SKA3: variants seen among roughly 807,000 people sequenced by gnomAD.
The protein encoded by SKA3 is spindle and kinetochore associated complex subunit 3.
SKA3 carries 39 observed loss-of-function variants against 44.2 expected under a neutral mutation model. That is an observed-to-expected ratio of 0.88 (90% CI 0.68 to 1.15). SKA3 has a LOEUF of 1.15. SKA3 is among the 50% of genes most tolerant of loss of function. The pLI is 0.00. For synonymous variants in SKA3, 192 were observed against 172.0 expected, an observed-to-expected ratio of 1.12 and a Z score of -0.91; for missense variants, 511 against 485.8, an observed-to-expected ratio of 1.05 and a Z score of -0.49.
chr13:21,169,704 C>T (rs1298437410), intron 3 of SKA3, among the ~76,000 whole-genome samples: 1 of 152,124 alleles, frequency 6.6e-6, no homozygotes, highest in Non-Finnish European at 1.5e-5. Context: ...GAGACACTAG[C>T]CCCAGCTAGT....
At chr13:21,159,061 C>T (rs1870293033) in intron 6 of SKA3, among the ~76,000 whole-genome samples, 1 of 152,164 alleles carries the variant, frequency 6.6e-6, no homozygotes, top group African/African-American at 2.4e-5. Flanking sequence ...ACATGGGGCT[C>T]TTTAAATTTT....
chr13:21,174,214 T>C (rs1412766878), intron 1 of SKA3, among the ~76,000 whole-genome samples: 1 of 152,216 alleles, frequency 6.6e-6, no homozygotes, highest in Non-Finnish European at 1.5e-5. Flanking sequence ...AAAAATACCA[T>C]TTGACCCAGC....
chr13:21,157,818 C>A (rs1870197717), intron 7 of SKA3, 104 bp downstream of exon 7: 1 of 783,718 alleles, frequency 1.3e-6, no homozygotes, highest in Non-Finnish European at 2.0e-6. Flanking sequence ...AGCACACTAG[C>A]CCAATGATAA....
intron 8 of SKA3, 128 bp downstream of exon 8, chr13:21,155,565 C>A: frequency 1.5e-6 from 1 of 660,588 alleles, no homozygotes; most frequent in Non-Finnish European, 2.7e-6. Flanking sequence ...CACCACCACA[C>A]CTGGCTAATT....
intron 4 of SKA3, among the ~76,000 whole-genome samples, chr13:21,164,284 T>C (rs1870591836): frequency 1.3e-5 from 2 of 152,352 alleles, no homozygotes; most frequent in East Asian, 3.9e-4. Context: ...ATCCATATTC[T>C]TTAGTATGAT....
At chr13:21,173,542 C>T (rs894043976) in intron 1 of SKA3, among the ~76,000 whole-genome samples, 1 of 152,216 alleles carries the variant, frequency 6.6e-6, no homozygotes, top group African/African-American at 2.4e-5. Flanking sequence ...TAGGCGTGAG[C>T]CACTGCACCC....
chr13:21,158,912 A>G (rs1003548336), intron 6 of SKA3, among the ~76,000 whole-genome samples: 24 of 152,152 alleles, frequency 1.6e-4, no homozygotes, highest in African/African-American at 5.8e-4. Context: ...TCACCTCAGT[A>G]GGGTACCTTC....
Position 21,168,225 on chromosome 13 carries a change from G to A in SKA3, c.506C>T (p.Ser169Phe). The A allele has an allele frequency of 6.2e-7, 1 of 1,614,192 alleles. No homozygotes were observed. The highest frequency in any genetic ancestry group is 8.5e-7 in the Non-Finnish European group (1 of 1,180,034). ...CTGTGGAGGGTTTGGTAGAACTTGG[G>A]ATACGATGTACCGCTCAAGTCCAAA... ...SDFGLERYIV[S>F]QVLPNPPQAV... Residue 169 changes from serine (S) to phenylalanine (F), a missense_variant, in exon 4 of 9, where the codon TCC (serine) becomes TTC (phenylalanine). Transcript: ENST00000314759.
rs11554203 is a variant in SKA3 at position 21,154,810 on chromosome 13, T to G, written c.*340A>C. On this transcript the variant is annotated 3_prime_UTR_variant, in exon 9 of 9. Transcript: ENST00000314759. ...TCTGGCCAGAAGGTCAGGGGCGGCC[T>G]CATCTGAGTAGCAAACACCTTTATA... 2.5e-6 allele frequency: 1 copy of G among 396,088 alleles called. No homozygotes were observed. The highest frequency in any genetic ancestry group is 4.7e-6 in the Non-Finnish European group (1 of 214,424). The allele number at this position is 396,088 out of a possible 1,614,324, so 24.5% of individuals were successfully genotyped here. A position where few individuals can be genotyped will look rare whatever the true frequency, so the allele number is the denominator to read the frequency against.
At chr13:21,161,030 G>A (rs1014598119) in intron 5 of SKA3, among the ~76,000 whole-genome samples, 1 of 152,134 alleles carries the variant, frequency 6.6e-6, no homozygotes, top group Non-Finnish European at 1.5e-5. Flanking sequence ...GCTGAGGTGG[G>A]AGGACTGGTT....
At chr13:21,173,238 A>G (rs186835717) in intron 1 of SKA3, among the ~76,000 whole-genome samples, 1 of 152,238 alleles carries the variant, frequency 6.6e-6, no homozygotes, top group African/African-American at 2.4e-5. Flanking sequence ...CTTCCCCACA[A>G]GGGTAAACTT....
intron 1 of SKA3, among the ~76,000 whole-genome samples, chr13:21,175,443 A>AT (rs1482850457): frequency 9.9e-5 from 15 of 151,036 alleles, no homozygotes; most frequent in Admixed American, 4.0e-4. Context: ...CGCCCGGCTA[A>AT]TTTTTTGTAT....
intron 5 of SKA3, 122 bp from the exon 6 acceptor site, chr13:21,160,109 G>A (rs1870356092): frequency 5.0e-6 from 3 of 603,148 alleles, no homozygotes; most frequent in Non-Finnish European, 8.2e-6. Context: ...CAGCAAGGAT[G>A]CAAGAGTAAT....
rs768070392 is a variant in SKA3 at position 21,153,809 on chromosome 13, A to T, written c.*1341T>A. 2 of 152,248 alleles carry T rather than the reference A, an allele frequency of 1.3e-5. No homozygotes were observed. The highest frequency in any genetic ancestry group is 4.8e-5 in the African/African-American group (2 of 41,438). The allele number at this position is 152,248 out of a possible 1,614,324, so 9.4% of individuals were successfully genotyped here. On this transcript the variant is annotated 3_prime_UTR_variant, in exon 9 of 9. Transcript: ENST00000314759. The stretch of plus-strand genomic sequence containing the variant: ...CTAAGCAGCTCATCCGGTTCTGTGG[A>T]TTTATATACACACGGTACACAGTGA...
chr13:21,162,204 C>T (rs887967942), intron 4 of SKA3, among the ~76,000 whole-genome samples: 6 of 152,170 alleles, frequency 3.9e-5, no homozygotes, highest in South Asian at 2.1e-4. Context: ...CTGATCCTGT[C>T]ATATGATTAT....
At chr13:21,172,938 C>A (rs992192909) in intron 1 of SKA3, among the ~76,000 whole-genome samples, 37 of 152,040 alleles carry the variant, frequency 2.4e-4, no homozygotes, top group Admixed American at 1.4e-3. Context: ...GGCCTAGGAG[C>A]GACAGGCTAC....
intron 3 of SKA3, among the ~76,000 whole-genome samples, chr13:21,169,317 C>A (rs566799396): frequency 6.6e-6 from 1 of 152,194 alleles, no homozygotes; most frequent in South Asian, 2.1e-4. Flanking sequence ...TCACTGCAGC[C>A]TCAACCTCCA....
Position 21,168,032 on chromosome 13 carries a change from A to C in SKA3, c.699T>G (p.Asn233Lys), listed in dbSNP as rs1870814248. ...FGISEYTMCLNEDYTMGLKNA... is the reference protein window; with the variant it reads ...FGISEYTMCLKEDYTMGLKNA... ...TTTTAAGTCCCATTGTGTAATCTTC[A>C]TTTAAACACATAGTATATTCAGAGA... Residue 233 changes from asparagine (N) to lysine (K), a missense_variant, in exon 4 of 9, where the codon AAT becomes AAG. Transcript: ENST00000314759. The C allele has an allele frequency of 6.2e-7, 1 of 1,605,552 alleles. No individual in the cohort carries two copies. Among genetic ancestry groups the C allele is most frequent in the Admixed American group, 1.7e-5 (1 of 58,116 alleles).
intron 5 of SKA3, among the ~76,000 whole-genome samples, 163 bp from the exon 6 acceptor site, chr13:21,160,150 A>G (rs1266729203): frequency 6.6e-6 from 1 of 152,250 alleles, no homozygotes; most frequent in Non-Finnish European, 1.5e-5. Context: ...GTTGTAATAT[A>G]TATTAAACAT....
Sources: allele counts gnomAD v4.1 joint callset (sites outside exome capture counted in the v4.1 genomes callset), GRCh38; gene constraint gnomAD v4.1.1; transcripts MANE v1.5; gene names NCBI Gene and HGNC (gene_info 2026-07-23, HGNC 2026-07-21).